L3MBTL4: variants seen among roughly 807,000 people sequenced by gnomAD.
The protein encoded by L3MBTL4 is lethal(3)malignant brain tumor-like protein 4.
L3MBTL4 carries 70 observed loss-of-function variants against 84.5 expected under a neutral mutation model. The observed-to-expected ratio is 0.83, with a 90% CI of 0.68 to 1.01. L3MBTL4 has a LOEUF of 1.01. Ranked by LOEUF, L3MBTL4 falls within the 50% of genes least tolerant of loss-of-function variation. The pLI is 0.00. For missense variants in L3MBTL4, 715 were observed against 754.8 expected (o/e 0.95, Z 0.62); for synonymous variants, 274 against 259.8 (o/e 1.05, Z -0.52).
chr18:6,114,349 C>T (rs944889427), intron 14 of L3MBTL4, among the ~76,000 whole-genome samples: 11 of 152,226 alleles, frequency 7.2e-5, no homozygotes, highest in African/African-American at 2.4e-4. Context: ...CTTCCTGTCA[C>T]GACTCCACTT....
chr18:5,977,256 C>A lies in L3MBTL4; in HGVS notation c.1445-7694G>T, dbSNP rs184513225. 1.3e-3 allele frequency among the ~76,000 whole-genome samples: 197 copies of A among 152,358 alleles called. 1 individual carries two copies. The highest frequency in any genetic ancestry group is 4.7e-3 in the African/African-American group (195 of 41,588). On this transcript the variant is annotated intron_variant, in intron 16 of 18. Coordinates refer to ENST00000317931, the MANE Select transcript of L3MBTL4 (RefSeq NM_001330559.2). ...GTGCCCAGCTCCTCCCTGCAAGCTG[C>A]GGCTGTTCCTCCAGGCAGGCCTCCG...
chr18:6,066,663 T>C (rs1028243502), intron 16 of L3MBTL4, among the ~76,000 whole-genome samples: 2 of 152,184 alleles, frequency 1.3e-5, no homozygotes, highest in Non-Finnish European at 1.5e-5. Flanking sequence ...TTTTGTGTGA[T>C]ATAAGAATAG....
At chr18:6,135,182 G>A (rs2059994666) in intron 14 of L3MBTL4, among the ~76,000 whole-genome samples, 1 of 152,138 alleles carries the variant, frequency 6.6e-6, no homozygotes, top group Admixed American at 6.5e-5. Context: ...GGAGCAGCTG[G>A]GAAACAGGGT....
At chr18:6,410,531 T>C (rs2055922545) in intron 1 of L3MBTL4, among the ~76,000 whole-genome samples, 1 of 152,084 alleles carries the variant, frequency 6.6e-6, no homozygotes, top group Non-Finnish European at 1.5e-5. Flanking sequence ...ACTGGAGCAA[T>C]GCTGATTTAA....
At chr18:6,388,143 A>G (rs1468752066) in intron 1 of L3MBTL4, among the ~76,000 whole-genome samples, 2 of 152,212 alleles carry the variant, frequency 1.3e-5, no homozygotes, top group East Asian at 3.8e-4. Flanking sequence ...GTTAGGTGTG[A>G]TTTTAGAAAA....
intron 9 of L3MBTL4, 22 bp from the exon 10 acceptor site, chr18:6,238,062 T>A: frequency 6.2e-7 from 1 of 1,604,740 alleles, no homozygotes; most frequent in South Asian, 1.1e-5. Flanking sequence ...GAGCTCTATA[T>A]TACGTTCCGT....
chr18:6,090,795 T>TTA (rs1343793135), intron 15 of L3MBTL4, among the ~76,000 whole-genome samples: 1 of 150,632 alleles, frequency 6.6e-6, no homozygotes, highest in African/African-American at 2.4e-5. Context: ...CACCTATTTT[T>TTA]TTTTTTTTTT....
intron 12 of L3MBTL4, among the ~76,000 whole-genome samples, chr18:6,189,824 T>C (rs1341245618): frequency 3.3e-5 from 5 of 152,056 alleles, no homozygotes; most frequent in African/African-American, 4.8e-5. Flanking sequence ...ATAGAAATTA[T>C]CTGAAGCACA....
intron 13 of L3MBTL4, among the ~76,000 whole-genome samples, chr18:6,164,915 A>G (rs1401621921): frequency 2.0e-5 from 3 of 152,244 alleles, no homozygotes; most frequent in East Asian, 1.9e-4. Flanking sequence ...CCAATGGCAA[A>G]GAAGTTAAAA....
chr18:6,120,886 G>T (rs1430197875), intron 14 of L3MBTL4, among the ~76,000 whole-genome samples: 3 of 152,162 alleles, frequency 2.0e-5, no homozygotes, highest in East Asian at 3.8e-4. Context: ...TGTTTGGGTA[G>T]ATTCAAGTAG....
intron 14 of L3MBTL4, among the ~76,000 whole-genome samples, chr18:6,121,877 C>G (rs1013361180): frequency 6.6e-6 from 1 of 152,102 alleles, no homozygotes; most frequent in Non-Finnish European, 1.5e-5. Context: ...CAGGTTTGTG[C>G]GTCATTTAGG....
intron 15 of L3MBTL4, among the ~76,000 whole-genome samples, chr18:6,084,401 G>A (rs2058187820): frequency 6.6e-6 from 1 of 151,838 alleles, no homozygotes; most frequent in Admixed American, 6.6e-5. Context: ...TAAGCTATCT[G>A]ACCCTTGTTC....
chr18:6,198,301 C>A (rs2045496674), intron 12 of L3MBTL4, among the ~76,000 whole-genome samples: 1 of 152,168 alleles, frequency 6.6e-6, no homozygotes, highest in Admixed American at 6.5e-5. Context: ...ACATGCTAAT[C>A]TGATTTATTC....
At chr18:6,158,580 C>T (rs886585390) in intron 13 of L3MBTL4, among the ~76,000 whole-genome samples, 3 of 152,208 alleles carry the variant, frequency 2.0e-5, no homozygotes, top group Admixed American at 6.5e-5. Context: ...TTTACTCCCC[C>T]TCTGTTTTCA....
At chr18:6,161,031 C>T (rs139397605) in intron 13 of L3MBTL4, among the ~76,000 whole-genome samples, 1 of 152,140 alleles carries the variant, frequency 6.6e-6, no homozygotes, top group Non-Finnish European at 1.5e-5. Flanking sequence ...ATGACCAGAG[C>T]AGGCATGGTT....
At position 6,056,018 on chromosome 18, in the gene L3MBTL4, G is replaced by A. The variant is rs1380564104; in HGVS notation, c.1444+24863C>T. On this transcript the variant is annotated intron_variant, in intron 16 of 18. Transcript: ENST00000317931. ...TGCACTGGTCAGCCAGGCGGAAAACGCCTCAGTGTTTCGGGGGGAGTGGTA... is the reference window on the plus strand; with the variant it reads ...TGCACTGGTCAGCCAGGCGGAAAACACCTCAGTGTTTCGGGGGGAGTGGTA... 2.6e-5 allele frequency among the ~76,000 whole-genome samples: 4 copies of A among 152,214 alleles called. No individual in the cohort carries two copies. In the East Asian group the frequency reaches 7.7e-4, roughly 29 times the overall value.
intron 1 of L3MBTL4, among the ~76,000 whole-genome samples, chr18:6,354,462 C>A (rs936484982): frequency 6.6e-6 from 1 of 151,934 alleles, no homozygotes; most frequent in African/African-American, 2.4e-5. Context: ...TTCTACAGAG[C>A]AAAGGAAACA....
chr18:6,340,295 A>G (rs1016189810), intron 1 of L3MBTL4, among the ~76,000 whole-genome samples: 1 of 152,202 alleles, frequency 6.6e-6, no homozygotes, highest in Non-Finnish European at 1.5e-5. Flanking sequence ...CTAAGTTTCT[A>G]GCAGCTTGAT....
chr18:6,347,365 T>C (rs550814757), intron 1 of L3MBTL4, among the ~76,000 whole-genome samples: 13 of 151,930 alleles, frequency 8.6e-5, no homozygotes, highest in Non-Finnish European at 1.5e-5. Flanking sequence ...AAGAAAAACA[T>C]AATAATAATT....
Sources: allele counts gnomAD v4.1 joint callset (sites outside exome capture counted in the v4.1 genomes callset), GRCh38; gene constraint gnomAD v4.1.1; transcripts MANE v1.5; gene names NCBI Gene and HGNC (gene_info 2026-07-23, HGNC 2026-07-21).